The following PRAM1 variants were observed in gnomAD, a reference collection of about 807,000 sequenced individuals.
PRAM1 encodes PML-RARA regulated adaptor molecule 1.
A neutral mutation model predicts 55.3 loss-of-function variants in PRAM1; 41 were observed. That is an observed-to-expected ratio of 0.74 (90% CI 0.58 to 0.96). The LOEUF (loss-of-function observed/expected upper bound fraction) is 0.96. Among genes scored for constraint, PRAM1 ranks in the 40% least tolerant of loss-of-function variants. PRAM1 has a pLI of 0.00. For missense variants in PRAM1, 898 were observed against 892.7 expected (o/e 1.01, Z -0.08); for synonymous variants, 401 against 387.1 (o/e 1.04, Z -0.42).
chr19:8,491,052 G>A (rs1386326292), intron 5 of PRAM1, 48 bp downstream of exon 5: 1 of 1,611,682 alleles, frequency 6.2e-7, no homozygotes, highest in Non-Finnish European at 8.5e-7. Context: ...TCCTCTGGGG[G>A]TTCCTGGAGC....
Position 8,500,059 on chromosome 19 carries a change from C to G in PRAM1, c.28-279G>C, listed in dbSNP as rs376612491. Among the ~76,000 whole-genome samples, 15 of 151,332 alleles carry G rather than the reference C, an allele frequency of 9.9e-5. 2 individuals are homozygous for G. Among genetic ancestry groups the G allele is most frequent in the Admixed American group, 2.0e-4 (3 of 15,224 alleles). On this transcript the variant is annotated intron_variant, in intron 1 of 9. Transcript: ENST00000423345. ...CAGCCTCCAGTCCCACTGCCCTCCC[C>G]CCATGGGTGGTACCCCACCCCCCCA...
chr19:8,498,428 G>A lies in PRAM1; in HGVS notation c.1380C>T (p.Pro460=), dbSNP rs1278455576. 6.3e-7 allele frequency: 1 copy of A among 1,578,360 alleles called. No individual in the cohort carries two copies. Residue 460 remains proline (P), a synonymous_variant, in exon 2 of 10, where the codon CCC becomes CCT. Coordinates refer to ENST00000423345, the MANE Select transcript of PRAM1 (RefSeq NM_032152.5). ...AGCTCTGCATATCCACGGGCCCCGG[G>A]GGCAGCGGGGGCTTGGCTGGAGGGT... The part of the protein sequence containing the change: ...LGHPPAKPPL[P]PGPVDMQSFR...
At position 8,495,201 on chromosome 19, in the gene PRAM1, G is replaced by A. The variant is rs190376442; in HGVS notation, c.1576+2563C>T. On this transcript the variant is annotated intron_variant, in intron 4 of 9. Coordinates refer to ENST00000423345, the MANE Select transcript of PRAM1 (RefSeq NM_032152.5). ...TGCAACCCTTCCTTCCCAGGTTCAC[G>A]CGATTCTCCTGCCTCAGCTTCTCTA... 7.9e-5 allele frequency among the ~76,000 whole-genome samples: 12 copies of A among 151,950 alleles called. No individual in the cohort carries two copies. In the East Asian group the frequency reaches 1.5e-3, roughly 20 times the overall value.
Position 8,490,786 on chromosome 19 carries a change from T to G in PRAM1, c.1744-30A>C. On this transcript the variant is annotated intron_variant, in intron 6 of 9. Transcript: ENST00000423345. This position sits in a 1 kb window ranked among gnomAD's most constrained non-coding sequence, Gnocchi z 7.3. ...GGCGCGAGATGTTAGGGCCTCTGCT[T>G]GTGCTGCCGCCCTTGGGCCCCTGTC... 6.2e-7 allele frequency: 1 copy of G among 1,606,862 alleles called. No homozygotes were observed. The highest frequency in any genetic ancestry group is 2.2e-5 in the East Asian group (1 of 44,844).
chr19:8,490,275 T>C lies in PRAM1; in HGVS notation c.1976-49A>G. ...TGGACCCCTCTCCCCAGAAGCCCAATAGTGAGCAGCGCCCCCGGGGAATCG... is the reference window on the plus strand; with the variant it reads ...TGGACCCCTCTCCCCAGAAGCCCAACAGTGAGCAGCGCCCCCGGGGAATCG... On this transcript the variant is annotated intron_variant, in intron 9 of 9. Coordinates refer to ENST00000423345, the MANE Select transcript of PRAM1 (RefSeq NM_032152.5). The surrounding 1 kb of genome is among the most constrained non-coding windows in gnomAD (Gnocchi z 7.3). The C allele has an allele frequency of 6.2e-7, 1 of 1,613,270 alleles. No homozygotes were observed. Among genetic ancestry groups the C allele is most frequent in the African/African-American group, 1.3e-5 (1 of 74,996 alleles).
Position 8,499,445 on chromosome 19 carries a change from T to C in PRAM1, c.363A>G (p.Lys121=), listed in dbSNP as rs759441906. 3 of 1,570,690 alleles carry C rather than the reference T, an allele frequency of 1.9e-6. No individual in the cohort carries two copies. The highest frequency in any genetic ancestry group is 2.6e-6 in the Non-Finnish European group (3 of 1,162,046). Residue 121 remains lysine, a synonymous_variant, in exon 2 of 10, where the codon AAA becomes AAG. Coordinates refer to ENST00000423345, the MANE Select transcript of PRAM1 (RefSeq NM_032152.5). ...EVTDLPKKPS[K]LELSDLSKKF... ...TCTTGGAGAGGTCACTCAACTCCAG[T>C]TTGGACGGCTTCTTGGGGAGGTCAG...
chr19:8,500,474 A>C (rs185861805), intron 1 of PRAM1, among the ~76,000 whole-genome samples: 1 of 151,826 alleles, frequency 6.6e-6, no homozygotes, highest in African/African-American at 2.4e-5. Flanking sequence ...AGCTGGAGGG[A>C]GAAGCCTGTT....
chr19:8,490,544 C>T lies in PRAM1; in HGVS notation c.1907-35G>A, dbSNP rs1298223464. The T allele has an allele frequency of 6.2e-7, 1 of 1,604,652 alleles. No homozygotes were observed. The highest frequency in any genetic ancestry group is 1.3e-5 in the African/African-American group (1 of 74,726). On this transcript the variant is annotated intron_variant, in intron 7 of 9. Coordinates refer to ENST00000423345, the MANE Select transcript of PRAM1 (RefSeq NM_032152.5). The surrounding 1 kb of genome is among the most constrained non-coding windows in gnomAD (Gnocchi z 7.3). The stretch of plus-strand genomic sequence containing the variant: ...GAGTGGGCATGGTGGGTTCTGAGGC[C>T]CAGGGTGGCGGCGGGGACCTCCCGG...
At position 8,498,694 on chromosome 19, in the gene PRAM1, G is replaced by T; in HGVS notation, c.1114C>A (p.Pro372Thr). ...CGAGGGAGATCACCGAAGAACTCAG[G>T]CTGCGGGTGTCTCTTGAGGACAGCG... ...PSAVLKRHPQ[P>T]EFFGDLPRKP... Residue 372 changes from proline (P) to threonine (T), a missense_variant, in exon 2 of 10, where the codon CCT (proline) becomes ACT (threonine). Around this residue, in one of 4 missense-constraint regions of PRAM1, gnomAD observed 787 missense variants for 735.4 expected, o/e 1.07. Transcript: ENST00000423345. 1 of 1,603,384 alleles carries T rather than the reference G, an allele frequency of 6.2e-7. No homozygotes were observed. The highest frequency in any genetic ancestry group is 8.5e-7 in the Non-Finnish European group (1 of 1,175,490).
chr19:8,498,620 G>C lies in PRAM1; in HGVS notation c.1188C>G (p.Ala396=). The change falls in exon 2 of 10, where the codon GCC becomes GCG. Residue 396 remains alanine, a synonymous_variant. Transcript: ENST00000423345. The stretch of plus-strand genomic sequence containing the variant: ...GGTGCCGGGAGCTGAAGCCGGCCAC[G>C]GCCGCAGGCAGTGAGCTCTCGGAAG... ...SSASESSLPA[A]VAGFSSRHPL... 1 of 1,612,500 alleles carries C rather than the reference G, an allele frequency of 6.2e-7. No individual in the cohort carries two copies. Among genetic ancestry groups the C allele is most frequent in the Non-Finnish European group, 8.5e-7 (1 of 1,179,636 alleles).
In PRAM1 at chr19:8,490,066, T is replaced by G; in HGVS notation, c.*123A>C. Reference sequence around the variant, plus strand: ...ACAAGAAGCAGGGACTGCTTTAAACTGGGGCTTTATGTGGCCAGGTACAAG... The same window carrying G: ...ACAAGAAGCAGGGACTGCTTTAAACGGGGGCTTTATGTGGCCAGGTACAAG... On this transcript the variant is annotated 3_prime_UTR_variant, in exon 10 of 10. Coordinates refer to ENST00000423345, the MANE Select transcript of PRAM1 (RefSeq NM_032152.5). This position sits in a 1 kb window ranked among gnomAD's most constrained non-coding sequence, Gnocchi z 7.3. 1.0e-6 allele frequency: 1 copy of G among 962,190 alleles called. No homozygotes were observed. Among genetic ancestry groups the G allele is most frequent in the Non-Finnish European group, 1.5e-6 (1 of 658,534 alleles). 59.6% of individuals were successfully genotyped at this position (962,190 alleles called of 1,614,324 possible). A position where few individuals can be genotyped will look rare whatever the true frequency, so the allele number is the denominator to read the frequency against.
At chr19:8,502,277 G>A (rs1234766144) in intron 1 of PRAM1, among the ~76,000 whole-genome samples, 1 of 152,088 alleles carries the variant, frequency 6.6e-6, no homozygotes, top group Non-Finnish European at 1.5e-5. Flanking sequence ...CCACATGGCT[G>A]CTCATGTTGA....
intron 4 of PRAM1, among the ~76,000 whole-genome samples, chr19:8,492,767 C>T (rs547080199): frequency 2.6e-5 from 4 of 152,092 alleles, no homozygotes; most frequent in South Asian, 4.2e-4. Flanking sequence ...GAGGCCAAGT[C>T]GGGCAGATCA....
chr19:8,499,268 G>C lies in PRAM1; in HGVS notation c.540C>G (p.Pro180=). The C allele has an allele frequency of 4.0e-5, 64 of 1,610,114 alleles. No individual in the cohort carries two copies. Among genetic ancestry groups the C allele is most frequent in the Non-Finnish European group, 5.4e-5 (64 of 1,177,708 alleles). The part of the protein sequence containing the change: ...PDELSHPARP[P]SEPKSGAFPR... ...GGAATGCGCCGGATTTGGGTTCGGA[G>C]GGGGGTCTGGCGGGGTGACTGAGTT... The change falls in exon 2 of 10, where the codon CCC becomes CCG. Residue 180 remains proline, a synonymous_variant. Transcript: ENST00000423345.
At position 8,498,791 on chromosome 19, in the gene PRAM1, G is replaced by A. The variant is rs1250400341; in HGVS notation, c.1017C>T (p.Asn339=). Residue 339 remains asparagine (N), a synonymous_variant, in exon 2 of 10, where the codon AAC becomes AAT. Transcript: ENST00000423345. ...LPRTSSEPEF[N]SLPRKLLQPE... is the part of the protein sequence containing the mutation. ...GCTGCAGCAGCTTCCTGGGGAGTGAGTTGAACTCGGGCTCTGAGGAGGTCC... is the reference window on the plus strand; with the variant it reads ...GCTGCAGCAGCTTCCTGGGGAGTGAATTGAACTCGGGCTCTGAGGAGGTCC... The A allele has an allele frequency of 6.3e-7, 1 of 1,577,428 alleles. No homozygotes were observed. Among genetic ancestry groups the A allele is most frequent in the South Asian group, 1.2e-5 (1 of 86,890 alleles).
chr19:8,490,390 G>A lies in PRAM1; in HGVS notation c.1941-18C>T. 1.9e-6 allele frequency: 3 copies of A among 1,613,924 alleles called. No homozygotes were observed. The highest frequency in any genetic ancestry group is 2.5e-6 in the Non-Finnish European group (3 of 1,179,874). The stretch of plus-strand genomic sequence containing the variant: ...CCGTCTCCCTGGCAGAGCACAGTTG[G>A]GTCAGCAAGGGGCACCGTGGCCCAT... On this transcript the variant is annotated intron_variant, in intron 8 of 9. Transcript: ENST00000423345. The surrounding 1 kb of genome is among the most constrained non-coding windows in gnomAD (Gnocchi z 7.3).
intron 4 of PRAM1, chr19:8,491,571 C>G (rs938041313): frequency 3.6e-6 from 1 of 277,596 alleles, no homozygotes; most frequent in South Asian, 3.7e-5. Context: ...TGTGTCAGTT[C>G]TGAGGACTCC....
chr19:8,499,460 G>C lies in PRAM1; in HGVS notation c.348C>G (p.Pro116=), dbSNP rs1487002305. 5 of 1,611,404 alleles carry C rather than the reference G, an allele frequency of 3.1e-6. No homozygotes were observed. Among genetic ancestry groups the C allele is most frequent in the African/African-American group, 1.3e-5 (1 of 74,802 alleles). ...TCAACTCCAGTTTGGACGGCTTCTT[G>C]GGGAGGTCAGTGACCTCAGGCGGCG... ...KPPPPEVTDL[P]KKPSKLELSD... Residue 116 remains proline, a synonymous_variant, in exon 2 of 10, where the codon CCC becomes CCG. Coordinates refer to ENST00000423345, the MANE Select transcript of PRAM1 (RefSeq NM_032152.5).
chr19:8,497,497 A>G (rs1369316034), intron 4 of PRAM1, among the ~76,000 whole-genome samples: 1 of 152,108 alleles, frequency 6.6e-6, no homozygotes, highest in Non-Finnish European at 1.5e-5. Context: ...CTGGGATTAC[A>G]GGCATGAGCC....
Sources: allele counts gnomAD v4.1 joint callset (sites outside exome capture counted in the v4.1 genomes callset), GRCh38; gene constraint gnomAD v4.1.1; regional missense constraint gnomAD v4.1.1; non-coding constraint Gnocchi (gnomAD v3.1); transcripts MANE v1.5; gene names NCBI Gene and HGNC (gene_info 2026-07-23, HGNC 2026-07-21).